Variants in KCNIP1 observed in about 807,000 individuals in gnomAD.
KCNIP1 encodes the protein potassium voltage-gated channel interacting protein 1.
Under a neutral mutation model 33.0 loss-of-function variants are expected in KCNIP1, and 18 were observed. The ratio of observed to expected loss-of-function variants is 0.55; its 90% CI spans 0.38 to 0.81. KCNIP1 has a LOEUF of 0.81. KCNIP1 is among the 30% of genes least tolerant of loss of function. The probability of loss-of-function intolerance (pLI) is 0.00; values close to 1 mark genes in which losing one functional copy is unlikely to be tolerated. For synonymous variants in KCNIP1, 93 were observed against 98.3 expected (o/e 0.95, Z 0.32); for missense variants, 238 against 271.6 (o/e 0.88, Z 0.87).
chr5:170,719,299 T>C (rs1320108468), intron 2 of KCNIP1, among the ~76,000 whole-genome samples: 1 of 151,268 alleles, frequency 6.6e-6, no homozygotes, highest in African/African-American at 2.4e-5. Context: ...CCTTGGGAAA[T>C]GGAACTGACA....
chr5:170,532,934 T>C (rs978159841), intron 1 of KCNIP1, among the ~76,000 whole-genome samples: 3 of 152,052 alleles, frequency 2.0e-5, no homozygotes, highest in Non-Finnish European at 4.4e-5. Context: ...GAGGTGGAGG[T>C]CTCTCTGACC....
At chr5:170,645,187 C>T (rs1207105391) in intron 1 of KCNIP1, among the ~76,000 whole-genome samples, 2 of 151,966 alleles carry the variant, frequency 1.3e-5, no homozygotes, top group Admixed American at 6.6e-5. Flanking sequence ...CTTATGATTA[C>T]CAGGATTAGT....
intron 1 of KCNIP1, among the ~76,000 whole-genome samples, chr5:170,359,744 AC>A (rs1272303308): frequency 6.6e-6 from 1 of 152,024 alleles, no homozygotes; most frequent in African/African-American, 2.4e-5. Context: ...TACTGGCCTC[AC>A]CACCCTTGCC....
chr5:170,499,303 A>G (rs1757367315), upstream of KCNIP1, among the ~76,000 whole-genome samples: 1 of 152,128 alleles, frequency 6.6e-6, no homozygotes, highest in African/African-American at 2.4e-5. Context: ...TCATTTTTAT[A>G]CCCCTGTAAC....
At chr5:170,598,483 C>A (rs1758545040) in intron 1 of KCNIP1, among the ~76,000 whole-genome samples, 1 of 152,054 alleles carries the variant, frequency 6.6e-6, no homozygotes, top group African/African-American at 2.4e-5. Flanking sequence ...CTGGCCAACC[C>A]ATTCTCTGTG....
chr5:170,575,028 C>A (rs1757549831), intron 1 of KCNIP1, among the ~76,000 whole-genome samples: 2 of 152,010 alleles, frequency 1.3e-5, no homozygotes, highest in South Asian at 4.1e-4. Context: ...CCCTGGGAGA[C>A]TTAAGCCATC....
intron 1 of KCNIP1, among the ~76,000 whole-genome samples, chr5:170,550,738 ATGATGATGATGG>A (rs1237229476): frequency 5.9e-5 from 9 of 152,112 alleles, no homozygotes; most frequent in Middle Eastern, 3.4e-3. Context: ...AGTACTGATG[ATGATGATGATGG>A]TGATGATGAT....
At chr5:170,606,578 G>A (rs1758929063) in intron 1 of KCNIP1, among the ~76,000 whole-genome samples, 1 of 152,264 alleles carries the variant, frequency 6.6e-6, no homozygotes, top group African/African-American at 2.4e-5. Flanking sequence ...GACCCAGAAG[G>A]TGGCCATCTC....
At chr5:170,544,799 G>A (rs992570757) in intron 1 of KCNIP1, among the ~76,000 whole-genome samples, 1 of 151,974 alleles carries the variant, frequency 6.6e-6, no homozygotes, top group African/African-American at 2.4e-5. Flanking sequence ...ACTTCTTCCT[G>A]AACAATGCAA....
intron 1 of KCNIP1, among the ~76,000 whole-genome samples, chr5:170,601,662 C>T (rs150089473): frequency 3.1e-4 from 47 of 152,298 alleles, no homozygotes; most frequent in Non-Finnish European, 4.9e-4. Flanking sequence ...GCACTCATTT[C>T]GCCCTTCAAC....
chr5:170,594,245 T>C (rs546007067), intron 1 of KCNIP1, among the ~76,000 whole-genome samples: 1 of 152,348 alleles, frequency 6.6e-6, no homozygotes, highest in South Asian at 2.1e-4. Flanking sequence ...TCTTCCTTCC[T>C]GATAAATCAC....
intron 1 of KCNIP1, among the ~76,000 whole-genome samples, chr5:170,444,223 C>G (rs1756056552): frequency 6.6e-6 from 1 of 152,106 alleles, no homozygotes; most frequent in South Asian, 2.1e-4. Context: ...GTTGGCAGAG[C>G]TGCGTTCCTT....
At chr5:170,435,310 T>G (rs976055205) in intron 1 of KCNIP1, among the ~76,000 whole-genome samples, 1 of 152,240 alleles carries the variant, frequency 6.6e-6, no homozygotes, top group Non-Finnish European at 1.5e-5. Context: ...ACAGACACCC[T>G]GCCTCATCCC....
chr5:170,732,333 A>C lies in KCNIP1; in HGVS notation c.436-467A>C, dbSNP rs151257431. Among the ~76,000 whole-genome samples, 322 of 152,260 alleles carry C rather than the reference A, an allele frequency of 2.1e-3. 1 individual carries two copies. Among genetic ancestry groups the C allele is most frequent in the African/African-American group, 7.4e-3 (307 of 41,522 alleles). On this transcript the variant is annotated intron_variant, in intron 5 of 7. Transcript: ENST00000328939. ...AGTGGACTTGAGAACTGATCTTTTT[A>C]ATAAGGGCCTCAGTCTGTGGAACTA...
At chr5:170,630,869 G>A (rs1760028231) in intron 1 of KCNIP1, among the ~76,000 whole-genome samples, 1 of 152,152 alleles carries the variant, frequency 6.6e-6, no homozygotes, top group East Asian at 1.9e-4. Flanking sequence ...GGCTCAGAGG[G>A]AGACTTTCTG....
At chr5:170,473,939 C>G (rs1476984343) in intron 1 of KCNIP1, among the ~76,000 whole-genome samples, 1 of 152,106 alleles carries the variant, frequency 6.6e-6, no homozygotes, top group Non-Finnish European at 1.5e-5. Flanking sequence ...GGATATGGCA[C>G]AGGAATTTAG....
intron 4 of KCNIP1, among the ~76,000 whole-genome samples, chr5:170,722,284 G>A (rs1763851445): frequency 6.6e-6 from 1 of 152,264 alleles, no homozygotes; most frequent in East Asian, 1.9e-4. Context: ...AAGAGAGATA[G>A]AGTAGTTTTC....
intron 1 of KCNIP1, among the ~76,000 whole-genome samples, chr5:170,608,016 TTC>T (rs1758997417): frequency 6.6e-6 from 1 of 152,184 alleles, no homozygotes; most frequent in Non-Finnish European, 1.5e-5. Flanking sequence ...TAGACATTTA[TTC>T]TCTCACTGCC....
intron 1 of KCNIP1, among the ~76,000 whole-genome samples, chr5:170,714,855 A>C (rs973265735): frequency 1.3e-5 from 2 of 152,210 alleles, no homozygotes; most frequent in African/African-American, 4.8e-5. Context: ...TTTGTAAAAT[A>C]AAGTTAGAGT....
Sources: gnomAD v4.1 joint callset for allele counts (sites outside exome capture counted in the v4.1 genomes callset) on GRCh38, gnomAD v4.1.1 for gene constraint, MANE v1.5 for transcripts, NCBI Gene and HGNC (gene_info 2026-07-23, HGNC 2026-07-21) for gene names.